The following GLIS3 variants were observed in gnomAD, a reference collection of about 807,000 sequenced individuals.
The protein encoded by GLIS3 is zinc finger protein GLIS3.
GLIS3 carries 53 observed loss-of-function variants against 78.6 expected under a neutral mutation model. The ratio of observed to expected loss-of-function variants is 0.67; its 90% CI spans 0.54 to 0.85. The LOEUF is 0.85. GLIS3 is among the 40% of genes least tolerant of loss of function. The pLI, the probability that GLIS3 is intolerant of heterozygous loss-of-function variation, is 0.00. For missense variants in GLIS3, 1,703 were observed against 1,231.1 expected (o/e 1.38, Z -5.74); for synonymous variants, 684 against 509.9 (o/e 1.34, Z -4.60).
At chr9:4,278,433 T>C (rs529156142) in intron 2 of GLIS3, among the ~76,000 whole-genome samples, 1 of 152,278 alleles carries the variant, frequency 6.6e-6, no homozygotes, top group East Asian at 1.9e-4. Context: ...TGGGAACATG[T>C]CATAAAGACA....
chr9:4,401,975 T>A, the GLIS3 span, among the ~76,000 whole-genome samples: 4 of 152,066 alleles, frequency 2.6e-5, no homozygotes, highest in Admixed American at 2.6e-4. Flanking sequence ...TATAGTAGAA[T>A]AGAACAACAG....
the GLIS3 span, among the ~76,000 whole-genome samples, chr9:4,423,267 C>G: frequency 6.6e-6 from 1 of 152,176 alleles, no homozygotes; most frequent in Non-Finnish European, 1.5e-5. Context: ...CCCAAGACCC[C>G]TAATTTTCAG....
intron 4 of GLIS3, among the ~76,000 whole-genome samples, chr9:3,995,935 A>G (rs1036379584): frequency 6.6e-6 from 1 of 152,174 alleles, no homozygotes; most frequent in African/African-American, 2.4e-5. Context: ...TCAAAAAGAC[A>G]CAATAATTTT....
At chr9:4,358,370 T>C in the GLIS3 span, among the ~76,000 whole-genome samples, 8 of 152,162 alleles carry the variant, frequency 5.3e-5, 1 homozygote, top group Non-Finnish European at 1.2e-4. Flanking sequence ...TATTCAATAA[T>C]TATCAGGTAC....
chr9:4,206,746 T>A (rs1268461559), intron 2 of GLIS3, among the ~76,000 whole-genome samples: 4 of 152,178 alleles, frequency 2.6e-5, no homozygotes, highest in Admixed American at 2.6e-4. Flanking sequence ...TGAATGAAAA[T>A]CTTTGATAGA....
intron 4 of GLIS3, among the ~76,000 whole-genome samples, chr9:4,076,885 T>C (rs1475524235): frequency 6.6e-6 from 1 of 152,132 alleles, no homozygotes; most frequent in African/African-American, 2.4e-5. Flanking sequence ...GGCAAAACCC[T>C]GTCTCTATCA....
rs112457914 is a variant in GLIS3, at chr9:4,321,336, G to T, written n.265-10808C>A. On this transcript the variant is annotated intron_variant and non_coding_transcript_variant, in intron 2 of 4. Transcript: ENST00000471664. ...ACTCGGGAGGCTGAGGCAGGAGAAT[G>T]GCGTGAACCCAGGAGGCGGAGCTTG... Among the ~76,000 whole-genome samples, 50 of 125,438 alleles carry T rather than the reference G, an allele frequency of 4.0e-4. 8 individuals carry two copies. The highest frequency in any genetic ancestry group is 4.7e-4 in the Admixed American group (6 of 12,640). The allele number at this position is 125,438 out of a possible 152,430, so 82.3% of individuals were successfully genotyped here.
rs1321991247 is a variant in GLIS3, at chr9:3,975,285, C to T, written c.1711-38096G>A. ...AAGAGTAATGTACAAAACAAGTACA[C>T]TCCCAGGGGGGCACAGGAATAGGGA... On this transcript the variant is annotated intron_variant, in intron 4 of 10. Transcript: ENST00000381971. 2.6e-5 allele frequency: 4 copies of T among 152,114 alleles called. No homozygotes were observed. The East Asian group carries it at 5.8e-4, about 22-fold the overall frequency. 9.4% of individuals were successfully genotyped at this position (152,114 alleles called of 1,614,324 possible).
chr9:4,075,469 G>C (rs553489154), intron 4 of GLIS3, among the ~76,000 whole-genome samples: 68 of 150,348 alleles, frequency 4.5e-4, no homozygotes, highest in Non-Finnish European at 8.7e-4. Flanking sequence ...CCAGCTACTC[G>C]GGAGGCTGAG....
chr9:4,348,300 G>T lies in GLIS3; in HGVS notation n.93C>A, dbSNP rs548669924. 22 of 152,268 alleles carry T rather than the reference G, an allele frequency of 1.4e-4. No individual in the cohort carries two copies. In the East Asian group the frequency reaches 4.2e-3, roughly 29 times the overall value. 9.4% of individuals were successfully genotyped at this position (152,268 alleles called of 1,614,324 possible). ...CTTCACAATATCATCGAGGACCAAG[G>T]TTTCTTTCCTGCCAGTTCAGCACCC... On this transcript the variant is annotated non_coding_transcript_exon_variant, in exon 1 of 5. Coordinates refer to the GLIS3 transcript ENST00000471664.
At chr9:4,411,783 G>A in the GLIS3 span, among the ~76,000 whole-genome samples, 20 of 152,230 alleles carry the variant, frequency 1.3e-4, no homozygotes, top group African/African-American at 4.3e-4. Context: ...GTCTTATGCC[G>A]AAGTTTTTGC....
At chr9:3,924,567 C>T (rs1357166393) in intron 6 of GLIS3, among the ~76,000 whole-genome samples, 1 of 152,162 alleles carries the variant, frequency 6.6e-6, no homozygotes, top group Admixed American at 6.5e-5. Flanking sequence ...TGTGAAGTCA[C>T]CCTGAAAACA....
At chr9:3,966,276 T>C (rs1453986676) in intron 4 of GLIS3, among the ~76,000 whole-genome samples, 1 of 152,204 alleles carries the variant, frequency 6.6e-6, no homozygotes, top group Non-Finnish European at 1.5e-5. Flanking sequence ...CTGGCTTCCT[T>C]GGATGCCATT....
chr9:4,035,254 G>T (rs1198012471), intron 4 of GLIS3, among the ~76,000 whole-genome samples: 1 of 152,030 alleles, frequency 6.6e-6, no homozygotes, highest in Non-Finnish European at 1.5e-5. Context: ...TTAAGACTTG[G>T]ATTACTTGTT....
the GLIS3 span, among the ~76,000 whole-genome samples, chr9:4,368,083 G>A: frequency 6.6e-6 from 1 of 152,198 alleles, no homozygotes; most frequent in Non-Finnish European, 1.5e-5. Context: ...GCTTATTCAT[G>A]TCAATGAACG....
At chr9:4,067,202 T>C (rs1035629756) in intron 4 of GLIS3, among the ~76,000 whole-genome samples, 1 of 151,898 alleles carries the variant, frequency 6.6e-6, no homozygotes, top group Non-Finnish European at 1.5e-5. Flanking sequence ...GTTAATACTT[T>C]ATATTAAAAT....
the GLIS3 span, among the ~76,000 whole-genome samples, chr9:4,407,165 A>G: frequency 5.3e-5 from 8 of 152,244 alleles, no homozygotes. Flanking sequence ...CTCATTTTCA[A>G]CAAAGGTACC....
chr9:4,374,052 C>T, the GLIS3 span, among the ~76,000 whole-genome samples: 1 of 152,118 alleles, frequency 6.6e-6, no homozygotes, highest in African/African-American at 2.4e-5. Flanking sequence ...CATCTTGCAA[C>T]GAATGGAATA....
At chr9:3,979,233 C>G (rs1196308273) in intron 4 of GLIS3, among the ~76,000 whole-genome samples, 22 of 152,206 alleles carry the variant, frequency 1.4e-4, no homozygotes, top group Non-Finnish European at 1.5e-5. Context: ...ATCCTCAATT[C>G]TATCTCCACT....
Sources: gnomAD v4.1 joint callset for allele counts (sites outside exome capture counted in the v4.1 genomes callset) on GRCh38, gnomAD v4.1.1 for gene constraint, MANE v1.5 for transcripts, NCBI Gene and HGNC (gene_info 2026-07-23, HGNC 2026-07-21) for gene names.